The following DUSP22 variants were observed in gnomAD, a reference collection of about 807,000 sequenced individuals.
The protein encoded by DUSP22 is dual specificity protein phosphatase 22.
A neutral mutation model predicts 24.5 loss-of-function variants in DUSP22; 24 were observed. That is an observed-to-expected ratio of 0.98 (90% CI 0.71 to 1.38). DUSP22 has a LOEUF of 1.38. Ranked by LOEUF, DUSP22 falls within the 40% of genes most tolerant of loss-of-function variation. DUSP22 has a pLI of 0.00. For missense variants in DUSP22, 330 were observed against 269.2 expected, an observed-to-expected ratio of 1.23 and a Z score of -1.58; for synonymous variants, 160 against 106.4, an observed-to-expected ratio of 1.50 and a Z score of -3.10.
At chr6:332,741 G>A (rs1042977684) in intron 3 of DUSP22, among the ~76,000 whole-genome samples, 8 of 152,148 alleles carry the variant, frequency 5.3e-5, no homozygotes, top group Admixed American at 2.6e-4. Context: ...GGGGGACGCC[G>A]GCATTTCCAT....
chr6:319,800 T>C (rs545587504), intron 3 of DUSP22: 2 of 152,504 alleles, frequency 1.3e-5, no homozygotes, highest in African/African-American at 4.8e-5. Context: ...GAAAACCTCT[T>C]TGAAGCCACC....
At chr6:314,067 G>T (rs1350073356) in intron 3 of DUSP22, among the ~76,000 whole-genome samples, 3 of 152,302 alleles carry the variant, frequency 2.0e-5, no homozygotes, top group African/African-American at 7.2e-5. Context: ...GACGGGTTTG[G>T]TGCTTCAGCA....
At chr6:320,194 C>A (rs551121810) in intron 3 of DUSP22, 146 of 152,740 alleles carry the variant, frequency 9.6e-4, no homozygotes, top group Non-Finnish European at 4.5e-4. Context: ...CCTAGAGGTA[C>A]CCTGTCCTTC....
rs1757972291 is a variant in DUSP22 at position 309,586 on chromosome 6, TTAGAGA to T, written c.56-2292_56-2287del. Among the ~76,000 whole-genome samples the T allele has an allele frequency of 2.0e-5, 3 of 152,292 alleles. No homozygotes were observed. In the South Asian group the frequency reaches 6.2e-4, roughly 31 times the overall value. ...ACTTCTGCTTCATCATCAAGGCTTG[TTAGAGA>T]TGGAGATTCCTCAGCCCCAGGGTAG... On this transcript the variant is annotated intron_variant, in intron 2 of 6. Coordinates refer to ENST00000419235, the MANE Select transcript of DUSP22 (RefSeq NM_001286555.3).
Position 333,474 on chromosome 6 carries a change from T to C in DUSP22, c.139-1640T>C, listed in dbSNP as rs578105902. 5.2e-5 allele frequency among the ~76,000 whole-genome samples: 8 copies of C among 152,412 alleles called. No homozygotes were observed. The South Asian group carries it at 1.7e-3, about 32-fold the overall frequency. On this transcript the variant is annotated intron_variant, in intron 3 of 6. Transcript: ENST00000419235. The stretch of plus-strand genomic sequence containing the variant: ...TTTTTGATTCAAAGCATACAGAAAC[T>C]GTGAGGGGAAAGATGTTTTTCTGAC...
chr6:324,455 T>C (rs1430267337), intron 3 of DUSP22, among the ~76,000 whole-genome samples: 1 of 152,308 alleles, frequency 6.6e-6, no homozygotes, highest in Non-Finnish European at 1.5e-5. Context: ...GTCTCTAATA[T>C]TAACTTGCTG....
chr6:340,959 G>C (rs375556956), intron 4 of DUSP22, among the ~76,000 whole-genome samples: 32 of 152,252 alleles, frequency 2.1e-4, no homozygotes, highest in African/African-American at 7.0e-4. Context: ...TAGACTCTCT[G>C]AAGGTCGGTA....
At chr6:347,788 T>G (rs529524509) in intron 5 of DUSP22, among the ~76,000 whole-genome samples, 2 of 152,426 alleles carry the variant, frequency 1.3e-5, no homozygotes, top group African/African-American at 4.8e-5. Context: ...AGTTATGTCG[T>G]TTGTCCGGGG....
chr6:297,837 T>C (rs1757410864), intron 1 of DUSP22, among the ~76,000 whole-genome samples: 1 of 152,306 alleles, frequency 6.6e-6, no homozygotes, highest in Admixed American at 6.5e-5. Context: ...CTAAATCCAT[T>C]TTTTCCACCT....
chr6:344,821 A>AAAG (rs1305993634), intron 4 of DUSP22, among the ~76,000 whole-genome samples: 8 of 152,406 alleles, frequency 5.2e-5, no homozygotes, highest in African/African-American at 1.9e-4. Context: ...GAATGCTTTT[A>AAAG]GATTTTCCAG....
Position 348,086 on chromosome 6 carries a change from T to C in DUSP22, c.264-17T>C. 6.2e-7 allele frequency: 1 copy of C among 1,613,714 alleles called. No individual in the cohort carries two copies. Among genetic ancestry groups the C allele is most frequent in the Non-Finnish European group, 8.5e-7 (1 of 1,179,650 alleles). On this transcript the variant is annotated splice_polypyrimidine_tract_variant and intron_variant, in intron 5 of 6. Transcript: ENST00000419235. ...TCTGAAACTGCCCTCACACATGTGC[T>C]TCTCTTGGCCCCGCAGCCTGGCCGG...
At chr6:328,247 A>C (rs1188353019) in intron 3 of DUSP22, among the ~76,000 whole-genome samples, 1 of 152,306 alleles carries the variant, frequency 6.6e-6, no homozygotes. Context: ...AATTGTGTAC[A>C]TCAGCAAGTC....
chr6:338,789 A>T (rs1010762366), intron 4 of DUSP22, among the ~76,000 whole-genome samples: 34 of 152,290 alleles, frequency 2.2e-4, no homozygotes, highest in African/African-American at 7.2e-4. Context: ...TCTATATCTT[A>T]AATTTTTCCC....
At position 349,107 on chromosome 6, in the gene DUSP22, G is replaced by GCA. The variant is rs1421423885; in HGVS notation, c.*157_*158insAC. On this transcript the variant is annotated 3_prime_UTR_variant, in exon 7 of 7. Transcript: ENST00000419235. The stretch of plus-strand genomic sequence containing the variant: ...CCCCCAAGCAACACCGCCCAGCCCT[G>GCA]CTCCAGGCCCCTGCACTCCGCCCAC... The GCA allele has an allele frequency of 3.9e-5, 56 of 1,449,646 alleles. No individual in the cohort carries two copies. The Middle Eastern group carries it at 1.3e-3, about 33-fold the overall frequency. 89.8% of individuals were successfully genotyped at this position (1,449,646 alleles called of 1,614,324 possible). A position where few individuals can be genotyped will look rare whatever the true frequency, so the allele number is the denominator to read the frequency against.
intron 3 of DUSP22, among the ~76,000 whole-genome samples, chr6:330,805 G>A (rs940186130): frequency 1.3e-5 from 2 of 152,304 alleles, no homozygotes; most frequent in Admixed American, 1.3e-4. Context: ...TCACTAGAAA[G>A]CTGTCCTTAG....
At chr6:294,326 T>C (rs1472310444) in intron 1 of DUSP22, among the ~76,000 whole-genome samples, 4 of 151,592 alleles carry the variant, frequency 2.6e-5, no homozygotes, top group Non-Finnish European at 5.9e-5. Context: ...ATGTACATAC[T>C]ATGAGCCAGG....
At chr6:316,940 T>G (rs939951253) in intron 3 of DUSP22, among the ~76,000 whole-genome samples, 3 of 152,418 alleles carry the variant, frequency 2.0e-5, no homozygotes, top group Admixed American at 1.3e-4. Context: ...TGAGCTAGAG[T>G]TCAGCTTGGA....
chr6:317,472 A>G (rs1189676421), intron 3 of DUSP22, among the ~76,000 whole-genome samples: 1 of 152,290 alleles, frequency 6.6e-6, no homozygotes, highest in Admixed American at 6.5e-5. Flanking sequence ...GCTCACATGA[A>G]TTCTCCCCTC....
chr6:315,918 A>G, intron 3 of DUSP22, among the ~76,000 whole-genome samples: 1 of 152,306 alleles, frequency 6.6e-6, no homozygotes, highest in East Asian at 1.9e-4. Flanking sequence ...GGTGACAGTG[A>G]GAGAAGAGCT....
Sources: gnomAD v4.1 joint callset for allele counts (sites outside exome capture counted in the v4.1 genomes callset) on GRCh38, gnomAD v4.1.1 for gene constraint, MANE v1.5 for transcripts, NCBI Gene and HGNC (gene_info 2026-07-23, HGNC 2026-07-21) for gene names.